The following ZNF596 variants were observed in gnomAD, a reference collection of about 807,000 sequenced individuals.
ZNF596 encodes zinc finger protein 596.
In ZNF596, 45 loss-of-function variants were observed where a neutral mutation model predicts 48.3. The ratio of observed to expected loss-of-function variants is 0.93; its 90% CI spans 0.73 to 1.19. The LOEUF is 1.19. ZNF596 is among the 50% of genes most tolerant of loss of function. The probability of loss-of-function intolerance (pLI) is 0.00; values close to 1 mark genes in which losing one functional copy is unlikely to be tolerated. For missense variants in ZNF596, 848 were observed against 599.7 expected (o/e 1.41, Z -4.32); for synonymous variants, 270 against 202.0 (o/e 1.34, Z -2.85).
In ZNF596 at chr8:246,581, G is replaced by C; in HGVS notation, c.*219G>C. ...TACAACGTGAGAGAATGAAACTATA[G>C]ATCAAAGGAATGTGGAGGAGTCTTC... is the stretch of plus-strand genomic sequence containing the variant. On this transcript the variant is annotated 3_prime_UTR_variant, in exon 6 of 6. Coordinates refer to ENST00000398612, the MANE Select transcript of ZNF596 (RefSeq NM_001042416.3). The C allele has an allele frequency of 2.1e-6, 1 of 476,596 alleles. No homozygotes were observed. Among genetic ancestry groups the C allele is most frequent in the Non-Finnish European group, 3.5e-6 (1 of 282,080 alleles). 29.5% of individuals were successfully genotyped at this position (476,596 alleles called of 1,614,324 possible).
chr8:240,270 G>A, intron 1 of ZNF596: 1 of 152,158 alleles, frequency 6.6e-6, no homozygotes, highest in East Asian at 1.9e-4. Context: ...GAAGCTGCTT[G>A]GTAGATAAAT....
intron 4 of ZNF596, 44 bp downstream of exon 4, chr8:243,849 T>C (rs748644117): frequency 7.1e-6 from 11 of 1,549,748 alleles, no homozygotes; most frequent in African/African-American, 2.7e-5. Context: ...AGGAGAAACA[T>C]GGCCAGTGAG....
intron 1 of ZNF596, among the ~76,000 whole-genome samples, chr8:240,077 G>T (rs1006430976): frequency 6.6e-6 from 1 of 152,226 alleles, no homozygotes; most frequent in African/African-American, 2.4e-5. Flanking sequence ...TCTGTGCCAG[G>T]AACTGGGGAT....
intron 1 of ZNF596, among the ~76,000 whole-genome samples, chr8:238,592 G>C (rs1796714470): frequency 7.0e-6 from 1 of 142,326 alleles, no homozygotes; most frequent in Non-Finnish European, 1.5e-5. Context: ...TTTGAGGCCA[G>C]GAGTTCAAAA....
rs1797130799 is a variant in ZNF596, at chr8:247,330, G to A, written c.*968G>A. On this transcript the variant is annotated 3_prime_UTR_variant, in exon 6 of 6. Transcript: ENST00000398612. ...GAAGTAATAAGATTAAATTAGTACT[G>A]TCAAAAATACAAGCATTAAGTGTTG... 6.6e-6 allele frequency: 1 copy of A among 152,190 alleles called. No homozygotes were observed. The highest frequency in any genetic ancestry group is 2.4e-5 in the African/African-American group (1 of 41,454). 9.4% of individuals were successfully genotyped at this position (152,190 alleles called of 1,614,324 possible).
intron 1 of ZNF596, among the ~76,000 whole-genome samples, chr8:239,115 C>G (rs1315217152): frequency 6.6e-6 from 1 of 152,046 alleles, no homozygotes; most frequent in Non-Finnish European, 1.5e-5. Context: ...ATCAGAAGAG[C>G]AAGTAGAAAA....
chr8:238,526 T>G (rs1796711750), intron 1 of ZNF596, among the ~76,000 whole-genome samples: 1 of 147,620 alleles, frequency 6.8e-6, no homozygotes, highest in Non-Finnish European at 1.5e-5. Flanking sequence ...TCTGGCTGGG[T>G]GCGGTGGCTC....
At chr8:243,890 ATTTCT>A (rs1796955580) in intron 4 of ZNF596, 85 bp downstream of exon 4, 1 of 1,218,038 alleles carries the variant, frequency 8.2e-7, no homozygotes, top group Admixed American at 1.9e-5. Flanking sequence ...CCAAAGGAAG[ATTTCT>A]TTTGTTTTTT....
Position 246,072 on chromosome 8 carries a change from C to T in ZNF596, c.1225C>T (p.His409Tyr), listed in dbSNP as rs759624995. 1.2e-6 allele frequency: 2 copies of T among 1,614,004 alleles called. No homozygotes were observed. The highest frequency in any genetic ancestry group is 1.3e-5 in the African/African-American group (1 of 75,048). The change falls in exon 6 of 6, where the codon CAT becomes TAT. Residue 409 changes from histidine to tyrosine, a missense_variant. Coordinates refer to ENST00000398612, the MANE Select transcript of ZNF596 (RefSeq NM_001042416.3). Reference sequence around the variant, plus strand: ...CACTGAATCTTCTGACCTCAGACGACATGAGAGAACTCACACTGGAGAAAA... The same window carrying T: ...CACTGAATCTTCTGACCTCAGACGATATGAGAGAACTCACACTGGAGAAAA... ...AFTESSDLRR[H>Y]ERTHTGEKPY...
chr8:243,905 T>G, intron 4 of ZNF596, 100 bp downstream of exon 4: 1 of 1,011,078 alleles, frequency 9.9e-7, no homozygotes, highest in Non-Finnish European at 1.5e-6. Flanking sequence ...TTTTGTTTTT[T>G]TAGACAGAAT....
chr8:238,511 A>G (rs1796710659), intron 1 of ZNF596, among the ~76,000 whole-genome samples: 1 of 151,298 alleles, frequency 6.6e-6, no homozygotes, highest in Non-Finnish European at 1.5e-5. Context: ...AAAGAAATAC[A>G]GGTTTCTGGC....
chr8:243,543 C>T (rs1259723162), intron 3 of ZNF596, 179 bp from the exon 4 acceptor site: 1 of 491,354 alleles, frequency 2.0e-6, no homozygotes, highest in Non-Finnish European at 3.6e-6. Context: ...TGTCTGGGAA[C>T]AAGTTCAAGA....
intron 1 of ZNF596, among the ~76,000 whole-genome samples, chr8:238,271 G>T (rs1796700092): frequency 6.6e-6 from 1 of 152,062 alleles, no homozygotes. Context: ...AGAAAGCACA[G>T]ACCCCTTAGA....
chr8:242,809 T>A, intron 2 of ZNF596, 78 bp from the exon 3 acceptor site: 1 of 1,346,100 alleles, frequency 7.4e-7, no homozygotes, highest in Non-Finnish European at 9.7e-7. Context: ...ACTTCCTTAG[T>A]ACAGTCACTT....
intron 1 of ZNF596, among the ~76,000 whole-genome samples, chr8:239,169 T>C (rs113642690): frequency 1.3e-5 from 2 of 152,138 alleles, no homozygotes; most frequent in Non-Finnish European, 2.9e-5. Flanking sequence ...TTGCTAAAAA[T>C]TGGAGGGTCC....
chr8:238,519 G>C (rs1328349603), intron 1 of ZNF596, among the ~76,000 whole-genome samples: 1 of 151,662 alleles, frequency 6.6e-6, no homozygotes, highest in Non-Finnish European at 1.5e-5. Flanking sequence ...ACAGGTTTCT[G>C]GCTGGGTGCG....
chr8:232,738 C>A, intron 1 of ZNF596, 44 bp downstream of exon 1: 1 of 408,466 alleles, frequency 2.4e-6, no homozygotes, highest in Middle Eastern at 7.2e-4. Flanking sequence ...TCCCCACCCT[C>A]GCCCCTCTTG....
rs768095295 is a variant in ZNF596, at chr8:242,999, A to G, written c.125A>G (p.His42Arg). The change falls in exon 3 of 6, where the codon CAT (histidine) becomes CGT (arginine). Residue 42 changes from histidine to arginine, a missense_variant. His to Arg is a conservative substitution (Grantham distance 29). Coordinates refer to ENST00000398612, the MANE Select transcript of ZNF596 (RefSeq NM_001042416.3). ...GATGTGATGTTGGAGAACATCAGTC[A>G]TCTGGTCTCTATTGGTGAGTCTCTT... ...FQDVMLENISHLVSIGKQLCK... is the reference protein window; with the variant it reads ...FQDVMLENISRLVSIGKQLCK... The G allele has an allele frequency of 6.2e-7, 1 of 1,612,034 alleles. No individual in the cohort carries two copies. The highest frequency in any genetic ancestry group is 1.1e-5 in the South Asian group (1 of 90,976).
At chr8:233,966 T>C (rs912012018) in intron 1 of ZNF596, among the ~76,000 whole-genome samples, 11 of 152,156 alleles carry the variant, frequency 7.2e-5, no homozygotes. Context: ...CTGGCTTCTG[T>C]TCACCTTTCC....
Sources: allele counts gnomAD v4.1 joint callset (sites outside exome capture counted in the v4.1 genomes callset), GRCh38; gene constraint gnomAD v4.1.1; transcripts MANE v1.5; gene names NCBI Gene and HGNC (gene_info 2026-07-23, HGNC 2026-07-21).